RAB10: variants seen among roughly 807,000 people sequenced by gnomAD.
The protein encoded by RAB10 is RAB10, member RAS oncogene family, also known as ras-related protein Rab-10.
A neutral mutation model predicts 25.7 loss-of-function variants in RAB10; 5 were observed. The observed-to-expected ratio is 0.19, with a 90% CI of 0.10 to 0.41. The LOEUF (loss-of-function observed/expected upper bound fraction) is 0.41, where lower values mean the gene tolerates loss of function less well. Ranked by LOEUF, RAB10 falls within the 10% of genes least tolerant of loss-of-function variation. RAB10 has a pLI of 1.00. For synonymous variants in RAB10, 89 were observed against 86.4 expected, an observed-to-expected ratio of 1.03 and a Z score of -0.16; for missense variants, 103 against 245.8, an observed-to-expected ratio of 0.42 and a Z score of 3.89.
At chr2:26,034,885 G>C in intron 1 of RAB10, 150 bp downstream of exon 1, 5 of 1,208,552 alleles carry the variant, frequency 4.1e-6, no homozygotes, top group Non-Finnish European at 5.8e-6. Context: ...TCGGCATCGA[G>C]CTTACTGGGG....
Position 26,038,688 on chromosome 2 carries a change from T to C in RAB10, c.127+3953T>C, listed in dbSNP as rs144535890. Among the ~76,000 whole-genome samples the C allele has an allele frequency of 8.8e-3, 1,339 of 151,670 alleles. 21 individuals carry two copies. Among genetic ancestry groups the C allele is most frequent in the African/African-American group, 0.031 (1,283 of 41,444 alleles). The stretch of plus-strand genomic sequence containing the variant: ...CTATAATCCCAGCGCTTTGGGAGGC[T>C]GAGGTGGGTGGATCACGAGGTCAGG... On this transcript the variant is annotated intron_variant, in intron 1 of 5. Coordinates refer to ENST00000264710, the MANE Select transcript of RAB10 (RefSeq NM_016131.5).
At chr2:26,093,541 C>G (rs920958940) in intron 1 of RAB10, among the ~76,000 whole-genome samples, 4 of 152,172 alleles carry the variant, frequency 2.6e-5, no homozygotes, top group Admixed American at 2.0e-4. Context: ...ATTAAATGTT[C>G]ACTATCAGTT....
At chr2:26,113,233 A>G (rs1667614263) in intron 3 of RAB10, among the ~76,000 whole-genome samples, 1 of 151,520 alleles carries the variant, frequency 6.6e-6, no homozygotes, top group African/African-American at 2.5e-5. Context: ...CAGTTATCTC[A>G]GTTCACACAG....
intron 1 of RAB10, among the ~76,000 whole-genome samples, chr2:26,059,354 T>G (rs762601001): frequency 6.6e-6 from 1 of 152,236 alleles, no homozygotes; most frequent in Non-Finnish European, 1.5e-5. Context: ...TTATGAAATT[T>G]TATTCTAGTG....
intron 4 of RAB10, 120 bp downstream of exon 4, chr2:26,127,353 C>A: frequency 1.3e-6 from 1 of 746,852 alleles, no homozygotes; most frequent in Non-Finnish European, 2.1e-6. Context: ...TTTTAAAATG[C>A]TTGTTGGAAA....
At chr2:26,048,956 A>G (rs1291178381) in intron 1 of RAB10, among the ~76,000 whole-genome samples, 1 of 152,138 alleles carries the variant, frequency 6.6e-6, no homozygotes. Context: ...TCCTCTTCAC[A>G]TGGGCTTTCA....
intron 1 of RAB10, among the ~76,000 whole-genome samples, chr2:26,038,644 G>A (rs1270661236): frequency 2.0e-5 from 3 of 151,900 alleles, no homozygotes; most frequent in African/African-American, 7.3e-5. Flanking sequence ...ACCATTGGGC[G>A]GGGCGCGATG....
At chr2:26,128,858 G>A (rs1423762521) in intron 5 of RAB10, among the ~76,000 whole-genome samples, 1 of 152,092 alleles carries the variant, frequency 6.6e-6, no homozygotes, top group African/African-American at 2.4e-5. Flanking sequence ...AGTCAAATTA[G>A]GAAATCGGAT....
intron 1 of RAB10, among the ~76,000 whole-genome samples, chr2:26,091,803 A>G (rs939172072): frequency 1.3e-5 from 2 of 152,146 alleles, no homozygotes; most frequent in African/African-American, 4.8e-5. Flanking sequence ...AAGATTGATG[A>G]GTGGCTAGAA....
chr2:26,125,598 C>T (rs990674465), intron 3 of RAB10, among the ~76,000 whole-genome samples: 1 of 151,832 alleles, frequency 6.6e-6, no homozygotes, highest in African/African-American at 2.4e-5. Context: ...TACAGGCACA[C>T]ACCACCGTGC....
chr2:26,113,044 C>T (rs1365835827), intron 3 of RAB10, among the ~76,000 whole-genome samples: 1 of 152,016 alleles, frequency 6.6e-6, no homozygotes, highest in East Asian at 1.9e-4. Context: ...AAGATTGCAC[C>T]ACTGCACTCC....
At chr2:26,066,851 C>T (rs1169593204) in intron 1 of RAB10, among the ~76,000 whole-genome samples, 7 of 148,936 alleles carry the variant, frequency 4.7e-5, no homozygotes, top group African/African-American at 1.5e-4. Flanking sequence ...GGCACAATCT[C>T]GGCTCACTGC....
chr2:26,109,670 T>A (rs987438351), intron 2 of RAB10, 98 bp from the exon 3 acceptor site: 61 of 1,245,216 alleles, frequency 4.9e-5, no homozygotes, highest in Non-Finnish European at 6.3e-5. Flanking sequence ...CTAAAAAGTT[T>A]TTATATATAC....
rs200209289 is a variant in RAB10, at chr2:26,094,719, T to C, written c.128-3943T>C. Reference sequence around the variant, plus strand: ...GATTACAGGCACGTGCCACCATGCCTGGCTAATTTTTGTATTTTTAGTAGA... The same window carrying C: ...GATTACAGGCACGTGCCACCATGCCCGGCTAATTTTTGTATTTTTAGTAGA... On this transcript the variant is annotated intron_variant, in intron 1 of 5. Transcript: ENST00000264710. Among the ~76,000 whole-genome samples, 279 of 152,102 alleles carry C rather than the reference T, an allele frequency of 1.8e-3. 5 individuals carry two copies. In the South Asian group the frequency reaches 0.019, roughly 11 times the overall value.
At chr2:26,114,406 T>C (rs1468593111) in intron 3 of RAB10, among the ~76,000 whole-genome samples, 6 of 152,190 alleles carry the variant, frequency 3.9e-5, no homozygotes, top group African/African-American at 7.2e-5. Flanking sequence ...AAAGATTGAT[T>C]GAATAGTATT....
intron 2 of RAB10, among the ~76,000 whole-genome samples, chr2:26,106,648 G>T (rs1427579246): frequency 6.6e-6 from 1 of 151,378 alleles, no homozygotes; most frequent in Non-Finnish European, 1.5e-5. Flanking sequence ...CACTTTCGGA[G>T]GCTGAGGCGG....
intron 1 of RAB10, among the ~76,000 whole-genome samples, chr2:26,040,645 G>A (rs1430239866): frequency 1.3e-5 from 2 of 152,050 alleles, no homozygotes; most frequent in African/African-American, 2.4e-5. Flanking sequence ...GTGACAGAGC[G>A]AGACCGTGTA....
intron 1 of RAB10, among the ~76,000 whole-genome samples, chr2:26,049,033 T>C (rs953279258): frequency 2.6e-5 from 4 of 152,182 alleles, no homozygotes; most frequent in South Asian, 2.1e-4. Flanking sequence ...TTTCCTCTCT[T>C]TTTGTGGATC....
chr2:26,076,378 T>C (rs1377977702), intron 1 of RAB10, among the ~76,000 whole-genome samples: 1 of 152,228 alleles, frequency 6.6e-6, no homozygotes, highest in Non-Finnish European at 1.5e-5. Flanking sequence ...TATTTGCTTA[T>C]TGGTGTGTAG....
Sources: allele counts gnomAD v4.1 joint callset (sites outside exome capture counted in the v4.1 genomes callset), GRCh38; gene constraint gnomAD v4.1.1; transcripts MANE v1.5; gene names NCBI Gene and HGNC (gene_info 2026-07-23, HGNC 2026-07-21).